ARID1B: variants seen among roughly 807,000 people sequenced by gnomAD.
The protein encoded by ARID1B is AT-rich interactive domain-containing protein 1B.
A neutral mutation model predicts 212.3 loss-of-function variants in ARID1B; 30 were observed. The observed-to-expected ratio is 0.14, with a 90% CI of 0.11 to 0.19. The LOEUF is 0.19. Ranked by LOEUF, ARID1B falls within the 10% of genes least tolerant of loss-of-function variation. The pLI, the probability that ARID1B is intolerant of heterozygous loss-of-function variation, is 1.00. For missense variants in ARID1B, 2,891 were observed against 3,204.0 expected, an observed-to-expected ratio of 0.90 and a Z score of 2.36; for synonymous variants, 1,402 against 1,301.7, an observed-to-expected ratio of 1.08 and a Z score of -1.66.
intron 9 of ARID1B, among the ~76,000 whole-genome samples, chr6:157,170,802 G>A (rs181953321): frequency 1.4e-4 from 22 of 152,310 alleles, no homozygotes; most frequent in South Asian, 4.1e-4. Flanking sequence ...AGGGCCTTGC[G>A]TATCCAATGA....
At chr6:157,054,120 A>T (rs1380387019) in intron 4 of ARID1B, among the ~76,000 whole-genome samples, 1 of 152,030 alleles carries the variant, frequency 6.6e-6, no homozygotes, top group Non-Finnish European at 1.5e-5. Flanking sequence ...GCTATTCGGA[A>T]GGCTGAGGCA....
intron 8 of ARID1B, among the ~76,000 whole-genome samples, chr6:157,158,174 G>A (rs1385670009): frequency 6.6e-6 from 1 of 152,242 alleles, no homozygotes; most frequent in Non-Finnish European, 1.5e-5. Flanking sequence ...TGCACAGAGT[G>A]GCTGGTGAGG....
chr6:157,010,780 C>T (rs183649460), intron 4 of ARID1B, among the ~76,000 whole-genome samples: 1 of 152,288 alleles, frequency 6.6e-6, no homozygotes, highest in East Asian at 1.9e-4. Flanking sequence ...TTCTCTAGTG[C>T]TTAATCCTTC....
At chr6:156,933,725 C>A (rs1431828447) in intron 3 of ARID1B, among the ~76,000 whole-genome samples, 1 of 152,128 alleles carries the variant, frequency 6.6e-6, no homozygotes. Flanking sequence ...GGGTACATTA[C>A]TAGTAGAGGT....
chr6:157,181,963 C>T (rs781069487), intron 12 of ARID1B, among the ~76,000 whole-genome samples: 39 of 152,156 alleles, frequency 2.6e-4, no homozygotes, highest in Non-Finnish European at 4.1e-4. Context: ...AAATCAAGTA[C>T]AGGATGGGGT....
chr6:156,848,144 C>T (rs1056754953), intron 2 of ARID1B, among the ~76,000 whole-genome samples: 3 of 152,130 alleles, frequency 2.0e-5, no homozygotes, highest in African/African-American at 4.8e-5. Flanking sequence ...AAGAAATTTC[C>T]GATTAATACT....
At chr6:157,130,141 C>T (rs112757536) in intron 6 of ARID1B, among the ~76,000 whole-genome samples, 1 of 151,824 alleles carries the variant, frequency 6.6e-6, no homozygotes, top group African/African-American at 2.4e-5. Flanking sequence ...TGCACTCCAG[C>T]CTGGGTGACA....
intron 3 of ARID1B, among the ~76,000 whole-genome samples, chr6:156,913,934 C>T (rs1398053662): frequency 2.7e-5 from 4 of 148,376 alleles, no homozygotes; most frequent in East Asian, 2.1e-4. Flanking sequence ...TTCCACTCTC[C>T]ACTCCCCAAC....
chr6:156,999,304 A>G (rs184171657), intron 4 of ARID1B, among the ~76,000 whole-genome samples: 1 of 152,258 alleles, frequency 6.6e-6, no homozygotes, highest in Non-Finnish European at 1.5e-5. Context: ...CCAACTGTGC[A>G]TACAAGTTAT....
At chr6:156,922,708 T>TA (rs1562486683) in intron 3 of ARID1B, among the ~76,000 whole-genome samples, 2 of 152,368 alleles carry the variant, frequency 1.3e-5, no homozygotes, top group East Asian at 3.9e-4. Flanking sequence ...TCTCTGTTCT[T>TA]ACCCTTTAAT....
intron 7 of ARID1B, among the ~76,000 whole-genome samples, chr6:157,137,560 T>G (rs1488724315): frequency 1.3e-5 from 2 of 152,262 alleles, no homozygotes; most frequent in African/African-American, 4.8e-5. Context: ...TTGTGTTCTC[T>G]AGAGGAATGT....
intron 5 of ARID1B, among the ~76,000 whole-genome samples, chr6:157,091,360 G>T (rs756182480): frequency 6.6e-6 from 1 of 152,166 alleles, no homozygotes; most frequent in Non-Finnish European, 1.5e-5. Context: ...TCTTCTGTGT[G>T]AGTGCTCACC....
intron 4 of ARID1B, among the ~76,000 whole-genome samples, chr6:157,053,559 A>G (rs1227269307): frequency 6.6e-6 from 1 of 152,212 alleles, no homozygotes; most frequent in Admixed American, 6.5e-5. Flanking sequence ...CTACTAGGCA[A>G]TTATTCAATC....
intron 5 of ARID1B, among the ~76,000 whole-genome samples, chr6:157,090,185 C>G (rs1219024805): frequency 6.9e-6 from 1 of 145,842 alleles, no homozygotes; most frequent in East Asian, 1.9e-4. Flanking sequence ...AGGCTTTTGT[C>G]AGCTTTTCCT....
chr6:157,024,711 C>T (rs1384185535), intron 4 of ARID1B: 1 of 152,222 alleles, frequency 6.6e-6, no homozygotes, highest in Admixed American at 6.5e-5. Flanking sequence ...GCAGAGGTTA[C>T]AGTGAACCTT....
chr6:157,067,436 C>T (rs532138315), intron 4 of ARID1B, among the ~76,000 whole-genome samples: 2 of 152,326 alleles, frequency 1.3e-5, no homozygotes, highest in Non-Finnish European at 2.9e-5. Context: ...TCCCTGCTCC[C>T]CTCATTCCTG....
chr6:157,081,410 T>G (rs1168495123), intron 4 of ARID1B, among the ~76,000 whole-genome samples: 1 of 152,238 alleles, frequency 6.6e-6, no homozygotes, highest in Non-Finnish European at 1.5e-5. Flanking sequence ...TGTTTTAAGA[T>G]AGCTCTACAT....
chr6:157,027,546 G>T (rs543791799), intron 4 of ARID1B, among the ~76,000 whole-genome samples: 11 of 152,310 alleles, frequency 7.2e-5, no homozygotes, highest in Admixed American at 5.9e-4. Context: ...GTTTGGACAG[G>T]GAACAGGGCA....
chr6:156,914,473 C>T (rs1228244567), intron 3 of ARID1B, among the ~76,000 whole-genome samples: 3 of 152,180 alleles, frequency 2.0e-5, no homozygotes, highest in Non-Finnish European at 2.9e-5. Context: ...ACTTTGTGGC[C>T]GCTCCTTGCC....
Sources: gnomAD v4.1 joint callset for allele counts (sites outside exome capture counted in the v4.1 genomes callset) on GRCh38, gnomAD v4.1.1 for gene constraint, MANE v1.5 for transcripts, NCBI Gene and HGNC (gene_info 2026-07-23, HGNC 2026-07-21) for gene names.